MICB: variants seen among roughly 807,000 people sequenced by gnomAD.
The protein encoded by MICB is MHC class I antigen-related protein B.
A neutral mutation model predicts 34.3 loss-of-function variants in MICB; 27 were observed. The observed-to-expected ratio is 0.79, with a 90% CI of 0.58 to 1.08. MICB has a LOEUF of 1.08. MICB is among the 50% of genes least tolerant of loss of function. The probability of loss-of-function intolerance (pLI) is 0.00; values close to 1 mark genes in which losing one functional copy is unlikely to be tolerated. For missense variants in MICB, 426 were observed against 483.1 expected (o/e 0.88, Z 1.11); for synonymous variants, 153 against 187.4 (o/e 0.82, Z 1.50).
chr6:31,504,225 A>G (rs1046992685), intron 1 of MICB, among the ~76,000 whole-genome samples: 6 of 128,106 alleles, frequency 4.7e-5, no homozygotes, highest in South Asian at 2.5e-4. Context: ...ACTTTTTTGC[A>G]TATTCTGGAA....
In MICB at chr6:31,498,258, C is replaced by A. The variant is rs764811801; in HGVS notation, c.65C>A (p.Ala22Asp). 9 of 1,570,622 alleles carry A rather than the reference C, an allele frequency of 5.7e-6. No individual in the cohort carries two copies. Among genetic ancestry groups the A allele is most frequent in the Non-Finnish European group, 7.8e-6 (9 of 1,155,982 alleles). Residue 22 changes from alanine (A) to aspartate (D), a missense_variant, in exon 1 of 6, where the codon GCC becomes GAC. Coordinates refer to ENST00000252229, the MANE Select transcript of MICB (RefSeq NM_005931.5). ...TTCCCTTTTGCACCCCCGGCAGCCG[C>A]CGCTGGTGAGTGGGGTTCCTGGCGG... The part of the protein sequence containing the change: ...VAFPFAPPAA[A>D]AEPHSLRYNL...
intron 5 of MICB, among the ~76,000 whole-genome samples, chr6:31,509,406 G>C (rs1005953844): frequency 7.2e-5 from 11 of 152,252 alleles, no homozygotes; most frequent in Non-Finnish European, 8.8e-5. Flanking sequence ...TGCCTCTGCA[G>C]GAGAGAAGGG....
chr6:31,506,464 G>T (rs779250282), intron 3 of MICB, 34 bp downstream of exon 3: 2 of 1,598,658 alleles, frequency 1.3e-6, no homozygotes, highest in Non-Finnish European at 1.7e-6. Context: ...TACTGTTCCC[G>T]CAATTCTGCT....
In MICB at chr6:31,505,522, T is replaced by A. The variant is rs1479802229; in HGVS notation, c.71-95T>A. 7 of 1,536,884 alleles carry A rather than the reference T, an allele frequency of 4.6e-6. No individual in the cohort carries two copies. The African/African-American group carries it at 6.9e-5, about 15-fold the overall frequency. Reference sequence around the variant, plus strand: ...CTTTTGCCCATGCGCATTTCCTGCCTCCTCAGGGAGGTCGGGACAGCAGAC... The same window carrying A: ...CTTTTGCCCATGCGCATTTCCTGCCACCTCAGGGAGGTCGGGACAGCAGAC... On this transcript the variant is annotated intron_variant, in intron 1 of 5. Coordinates refer to ENST00000252229, the MANE Select transcript of MICB (RefSeq NM_005931.5).
Position 31,505,860 on chromosome 6 carries a change from A to G in MICB, c.314A>G (p.Asp105Gly), listed in dbSNP as rs45502297. The change falls in exon 2 of 6, where the codon GAC becomes GGC. Residue 105 changes from aspartate to glycine, a missense_variant. Asp to Gly is a moderately conservative substitution (Grantham distance 94). Transcript: ENST00000252229. ...AGGAGGACCCTGACTCATATCAAGGACCAGAAAGGAGGTGAGAGTCGGCAG... is the reference window on the plus strand; with the variant it reads ...AGGAGGACCCTGACTCATATCAAGGGCCAGAAAGGAGGTGAGAGTCGGCAG... ...DLRRTLTHIK[D>G]QKGGLHSLQE... 1 of 1,606,738 alleles carries G rather than the reference A, an allele frequency of 6.2e-7. No homozygotes were observed. Among genetic ancestry groups the G allele is most frequent in the Non-Finnish European group, 8.5e-7 (1 of 1,176,746 alleles).
rs1305482765 is a variant in MICB at position 31,504,396 on chromosome 6, A to C, written c.71-1221A>C. ...CGCCTCAGCCTCCCGAGTAGCTGGG[A>C]CTACAGGCGCCCGCCACCACACCCG... On this transcript the variant is annotated intron_variant, in intron 1 of 5. Transcript: ENST00000252229. Among the ~76,000 whole-genome samples the C allele has an allele frequency of 2.0e-5, 3 of 150,228 alleles. No individual in the cohort carries two copies. The East Asian group carries it at 5.9e-4, about 30-fold the overall frequency.
chr6:31,496,011 C>T (rs1201804034), upstream of MICB, among the ~76,000 whole-genome samples: 1 of 152,208 alleles, frequency 6.6e-6, no homozygotes, highest in Non-Finnish European at 1.5e-5. Context: ...ATCGGAATCA[C>T]GTAGGGAACT....
chr6:31,506,037 A>C (rs1251526776), intron 2 of MICB, 106 bp from the exon 3 acceptor site: 6 of 1,488,374 alleles, frequency 4.0e-6, no homozygotes, highest in Non-Finnish European at 5.4e-6. Context: ...CCACACAGGG[A>C]GGCATGGAGG....
chr6:31,508,681 T>A (rs3130614), intron 5 of MICB, among the ~76,000 whole-genome samples: 10,859 of 152,304 alleles, frequency 0.071, 562 homozygotes, highest in Non-Finnish European at 0.11. Flanking sequence ...AATGGTTTCC[T>A]CGTAGGTCAC....
intron 1 of MICB, among the ~76,000 whole-genome samples, chr6:31,502,414 G>A (rs1027624760): frequency 6.6e-6 from 1 of 152,166 alleles, no homozygotes; most frequent in Non-Finnish European, 1.5e-5. Flanking sequence ...CCTCTTCAAT[G>A]TTTTGCATCA....
At chr6:31,506,721 C>G (rs1765357005) in intron 3 of MICB, among the ~76,000 whole-genome samples, 1 of 152,102 alleles carries the variant, frequency 6.6e-6, no homozygotes, top group Admixed American at 6.5e-5. Context: ...GCTGCCCCCT[C>G]TGCCTCCCGG....
chr6:31,505,869 G>A lies in MICB; in HGVS notation c.323G>A (p.Gly108Glu), dbSNP rs771839061. ...RTLTHIKDQK[G>E]GLHSLQEIRV... ...CTGACTCATATCAAGGACCAGAAAGGAGGTGAGAGTCGGCAGGGGCAAGAG... is the reference window on the plus strand; with the variant it reads ...CTGACTCATATCAAGGACCAGAAAGAAGGTGAGAGTCGGCAGGGGCAAGAG... The change falls in exon 2 of 6, where the codon GGA becomes GAA. Residue 108 changes from glycine (G) to glutamate (E), a missense_variant and splice_region_variant. Coordinates refer to ENST00000252229, the MANE Select transcript of MICB (RefSeq NM_005931.5). The A allele has an allele frequency of 3.7e-6, 6 of 1,603,046 alleles. No individual in the cohort carries two copies. The African/African-American group carries it at 8.0e-5, about 21-fold the overall frequency.
At position 31,508,494 on chromosome 6, in the gene MICB, C is replaced by G. The variant is rs149951915; in HGVS notation, c.1024+963C>G. Among the ~76,000 whole-genome samples, 13 of 152,322 alleles carry G rather than the reference C, an allele frequency of 8.5e-5. No homozygotes were observed. In the East Asian group the frequency reaches 2.3e-3, roughly 27 times the overall value. ...TTTCTCATCCTTGAACCTAGTTGCACTGTCAGTCGGCCCCTCATGCCTGAG... is the reference window on the plus strand; with the variant it reads ...TTTCTCATCCTTGAACCTAGTTGCAGTGTCAGTCGGCCCCTCATGCCTGAG... On this transcript the variant is annotated intron_variant, in intron 5 of 5. Coordinates refer to ENST00000252229, the MANE Select transcript of MICB (RefSeq NM_005931.5).
At chr6:31,495,863 G>A (rs545634946), upstream of MICB, among the ~76,000 whole-genome samples, 97 of 152,034 alleles carry the variant, frequency 6.4e-4, no homozygotes, top group African/African-American at 2.0e-3. Context: ...TTCCAACTGA[G>A]TGACACAGCA....
intron 1 of MICB, among the ~76,000 whole-genome samples, chr6:31,501,872 G>T (rs3093955): frequency 0.8 from 122,104 of 152,074 alleles, 49,298 homozygotes; most frequent in East Asian, 0.91. Context: ...ATGTGATTCC[G>T]CTAGTTTTGT....
rs1353940291 is a variant in MICB at position 31,511,120 on chromosome 6, A to G, written c.*1211A>G. ...TATACCGTAAATGTTTACTCTTTAA[A>G]TAGACATTTCTGGTCTGTGTTTTAT... On this transcript the variant is annotated 3_prime_UTR_variant, in exon 6 of 6. Transcript: ENST00000252229. 6.6e-6 allele frequency: 1 copy of G among 152,244 alleles called. No individual in the cohort carries two copies. Among genetic ancestry groups the G allele is most frequent in the Non-Finnish European group, 1.5e-5 (1 of 68,042 alleles). The allele number at this position is 152,244 out of a possible 1,614,324, so 9.4% of individuals were successfully genotyped here.
intron 1 of MICB, among the ~76,000 whole-genome samples, chr6:31,504,066 GA>G (rs1765150749): frequency 6.6e-6 from 1 of 151,188 alleles, no homozygotes; most frequent in South Asian, 2.1e-4. Context: ...TACTGATATT[GA>G]GCATCTTTTC....
At chr6:31,505,991 A>G in intron 2 of MICB, 120 bp downstream of exon 2, 8 of 1,479,040 alleles carry the variant, frequency 5.4e-6, no homozygotes, top group Non-Finnish European at 7.2e-6. Context: ...GAATAGGGTC[A>G]GGGAGGCTCA....
chr6:31,500,311 TG>T (rs1764950906), intron 1 of MICB, among the ~76,000 whole-genome samples: 1 of 152,018 alleles, frequency 6.6e-6, no homozygotes, highest in Non-Finnish European at 1.5e-5. Context: ...TTTTAACTTT[TG>T]TTTGGGTACG....
Sources: allele counts gnomAD v4.1 joint callset (sites outside exome capture counted in the v4.1 genomes callset), GRCh38; gene constraint gnomAD v4.1.1; transcripts MANE v1.5; gene names NCBI Gene and HGNC (gene_info 2026-07-23, HGNC 2026-07-21).